GPR158: variants seen among roughly 807,000 people sequenced by gnomAD.
The protein encoded by GPR158 is metabotropic glycine receptor.
Under a neutral mutation model 78.2 loss-of-function variants are expected in GPR158, and 30 were observed. The ratio of observed to expected loss-of-function variants is 0.38; its 90% CI spans 0.29 to 0.52. The LOEUF (loss-of-function observed/expected upper bound fraction) is 0.52. Among genes scored for constraint, GPR158 ranks in the 20% least tolerant of loss-of-function variants. GPR158 has a pLI of 0.83. For missense variants in GPR158, 1,463 were observed against 1,523.5 expected (o/e 0.96, Z 0.66); for synonymous variants, 581 against 591.1 (o/e 0.98, Z 0.25).
At chr10:25,463,077 C>A (rs900525133) in intron 4 of GPR158, among the ~76,000 whole-genome samples, 1 of 152,120 alleles carries the variant, frequency 6.6e-6, no homozygotes. Context: ...TTGCCACAAC[C>A]ATCTGAAGCT....
rs1423228340 is a variant in GPR158 at position 25,307,014 on chromosome 10, TACAG to T, written c.1008+85859_1008+85862del. Among the ~76,000 whole-genome samples the T allele has an allele frequency of 7.3e-5, 9 of 123,318 alleles. No individual in the cohort carries two copies. In the South Asian group the frequency reaches 1.5e-3, roughly 21 times the overall value. 80.9% of individuals were successfully genotyped at this position (123,318 alleles called of 152,430 possible). ...ACACACACACATACGCACACACACA[TACAG>T]AGAGAGAGAGAGAGAGAGAGAGGGA... On this transcript the variant is annotated intron_variant, in intron 2 of 10. Transcript: ENST00000376351.
chr10:25,192,786 T>TAA (rs547118550), intron 1 of GPR158, among the ~76,000 whole-genome samples: 17 of 148,408 alleles, frequency 1.1e-4, no homozygotes, highest in Admixed American at 1.0e-3. Context: ...AGAAAAATGA[T>TAA]AAAAAAAAAT....
intron 5 of GPR158, among the ~76,000 whole-genome samples, chr10:25,490,521 C>T (rs1440480041): frequency 7.2e-6 from 1 of 138,936 alleles, no homozygotes; most frequent in Admixed American, 7.7e-5. Context: ...CAATTCCCAC[C>T]TATGAGTGAG....
intron 2 of GPR158, among the ~76,000 whole-genome samples, chr10:25,354,790 T>A (rs1588819593): frequency 6.8e-6 from 1 of 147,866 alleles, no homozygotes; most frequent in African/African-American, 2.7e-5. Flanking sequence ...TGGGAAAGAC[T>A]TTATCTGAAG....
intron 2 of GPR158, among the ~76,000 whole-genome samples, chr10:25,325,704 G>C (rs1855020197): frequency 6.6e-6 from 1 of 152,000 alleles, no homozygotes; most frequent in African/African-American, 2.4e-5. Context: ...TTTTATAGTG[G>C]CTATACTAAT....
At chr10:25,419,304 A>T (rs1588853910) in intron 4 of GPR158, among the ~76,000 whole-genome samples, 1 of 152,158 alleles carries the variant, frequency 6.6e-6, no homozygotes, top group African/African-American at 2.4e-5. Context: ...AGATTCATTG[A>T]TATGGTACCA....
At chr10:25,348,030 T>C (rs1855398158) in intron 2 of GPR158, among the ~76,000 whole-genome samples, 1 of 152,074 alleles carries the variant, frequency 6.6e-6, no homozygotes, top group African/African-American at 2.4e-5. Flanking sequence ...TACTGTAGCA[T>C]GTGCACGGCC....
intron 5 of GPR158, among the ~76,000 whole-genome samples, chr10:25,531,973 C>G (rs76215032): frequency 0.015 from 2,239 of 152,224 alleles, 47 homozygotes; most frequent in African/African-American, 0.051. Context: ...TTATTTCTGC[C>G]TGGAGCATGG....
intron 3 of GPR158, among the ~76,000 whole-genome samples, 189 bp from the exon 4 acceptor site, chr10:25,412,060 CA>C (rs1834598857): frequency 7.1e-6 from 1 of 141,338 alleles, no homozygotes; most frequent in South Asian, 2.5e-4. Flanking sequence ...TTTTTAAAAT[CA>C]AAAAGATAAA....
chr10:25,212,319 G>T (rs981195109), intron 1 of GPR158, among the ~76,000 whole-genome samples: 1 of 152,114 alleles, frequency 6.6e-6, no homozygotes, highest in Non-Finnish European at 1.5e-5. Context: ...GTCTTACATG[G>T]GAGGAGCGAA....
rs189840365 is a variant in GPR158, at chr10:25,208,352, G to T, written c.903-12700G>T. Among the ~76,000 whole-genome samples the T allele has an allele frequency of 6.7e-4, 102 of 152,230 alleles. 1 individual carries two copies. The highest frequency in any genetic ancestry group is 2.1e-3 in the African/African-American group (89 of 41,544). On this transcript the variant is annotated intron_variant, in intron 1 of 10. Coordinates refer to ENST00000376351, the MANE Select transcript of GPR158 (RefSeq NM_020752.3). Reference sequence around the variant, plus strand: ...AAACTTTGTCTCAATTACCTACAGCGTTATAATTGAAAGAGAAGGAGGAAA... The same window carrying T: ...AAACTTTGTCTCAATTACCTACAGCTTTATAATTGAAAGAGAAGGAGGAAA...
intron 2 of GPR158, among the ~76,000 whole-genome samples, chr10:25,379,177 A>C (rs1195336281): frequency 6.6e-6 from 1 of 152,128 alleles, no homozygotes; most frequent in Admixed American, 6.6e-5. Context: ...TTCTATCATC[A>C]ATATTAATTT....
Position 25,324,560 on chromosome 10 carries a change from G to A in GPR158, c.1009-71351G>A, listed in dbSNP as rs545934355. 3.3e-5 allele frequency among the ~76,000 whole-genome samples: 5 copies of A among 152,220 alleles called. No homozygotes were observed. In the South Asian group the frequency reaches 1.0e-3, roughly 32 times the overall value. On this transcript the variant is annotated intron_variant, in intron 2 of 10. Transcript: ENST00000376351. Reference sequence around the variant, plus strand: ...ACCATAACAGATATAATAATAATAAGAGCATTTGAAATGTTTCAAGAATTA... The same window carrying A: ...ACCATAACAGATATAATAATAATAAAAGCATTTGAAATGTTTCAAGAATTA...
At chr10:25,415,692 A>G (rs544535672) in intron 4 of GPR158, among the ~76,000 whole-genome samples, 1 of 152,278 alleles carries the variant, frequency 6.6e-6, no homozygotes, top group Admixed American at 6.5e-5. Flanking sequence ...AGAAATATGC[A>G]TACAAATGTT....
intron 6 of GPR158, among the ~76,000 whole-genome samples, chr10:25,560,276 A>AT (rs1276285154): frequency 2.0e-5 from 3 of 151,928 alleles, no homozygotes; most frequent in Non-Finnish European, 2.9e-5. Flanking sequence ...TTTTATTTTT[A>AT]TTTTTTTGAG....
intron 7 of GPR158, among the ~76,000 whole-genome samples, chr10:25,586,517 C>G (rs879503871): frequency 6.6e-6 from 1 of 151,500 alleles, no homozygotes; most frequent in East Asian, 1.9e-4. Flanking sequence ...ATTCGCCTGC[C>G]TCAGCCTCCT....
At chr10:25,196,582 G>C (rs1429988997) in intron 1 of GPR158, among the ~76,000 whole-genome samples, 1 of 152,212 alleles carries the variant, frequency 6.6e-6, no homozygotes, top group Non-Finnish European at 1.5e-5. Context: ...TGTGACACAT[G>C]TGCAGGCCTT....
At chr10:25,523,622 A>T (rs533528538) in intron 5 of GPR158, among the ~76,000 whole-genome samples, 3 of 152,328 alleles carry the variant, frequency 2.0e-5, no homozygotes, top group African/African-American at 7.2e-5. Flanking sequence ...GAAATAGACA[A>T]TTTAATCAAA....
At chr10:25,510,890 T>C (rs1399362895) in intron 5 of GPR158, among the ~76,000 whole-genome samples, 2 of 152,224 alleles carry the variant, frequency 1.3e-5, no homozygotes, top group African/African-American at 2.4e-5. Flanking sequence ...TTCCTTGTTA[T>C]GGCTCAGTAG....
Sources: gnomAD v4.1 joint callset for allele counts (sites outside exome capture counted in the v4.1 genomes callset) on GRCh38, gnomAD v4.1.1 for gene constraint, MANE v1.5 for transcripts, NCBI Gene and HGNC (gene_info 2026-07-23, HGNC 2026-07-21) for gene names.